Variants in ADGRG5 observed in about 807,000 individuals in gnomAD.
The protein encoded by ADGRG5 is adhesion G protein-coupled receptor G5.
Under a neutral mutation model 53.2 loss-of-function variants are expected in ADGRG5, and 37 were observed. The observed-to-expected ratio is 0.70, with a 90% CI of 0.53 to 0.91. The LOEUF (loss-of-function observed/expected upper bound fraction) is 0.91, where lower values mean the gene tolerates loss of function less well. ADGRG5 is among the 40% of genes least tolerant of loss of function. ADGRG5 has a pLI of 0.00. For missense variants in ADGRG5, 614 were observed against 675.8 expected (o/e 0.91, Z 1.01); for synonymous variants, 277 against 290.4 (o/e 0.95, Z 0.47).
chr16:57,572,959 G>C (rs2033402375), intron 10 of ADGRG5, among the ~76,000 whole-genome samples: 1 of 152,124 alleles, frequency 6.6e-6, no homozygotes, highest in Admixed American at 6.5e-5. Context: ...GGGGCTTCAG[G>C]ATCCAGCTTT....
chr16:57,536,982 T>C, the ADGRG5 span, among the ~76,000 whole-genome samples: 1 of 152,144 alleles, frequency 6.6e-6, no homozygotes, highest in East Asian at 1.9e-4. Context: ...CTGGGCCAGC[T>C]CTGCCACCGA....
chr16:57,570,528 A>G lies in ADGRG5; in HGVS notation c.1201A>G (p.Met401Val), dbSNP rs2033323284. The G allele has an allele frequency of 6.2e-7, 1 of 1,611,778 alleles. No individual in the cohort carries two copies. The highest frequency in any genetic ancestry group is 8.5e-7 in the Non-Finnish European group (1 of 1,178,454). ...GGAGAATGGCACAGGCTTCCAGAACATGTCCATGTGAGTGCCCTCAGGGCT... is the reference window on the plus strand; with the variant it reads ...GGAGAATGGCACAGGCTTCCAGAACGTGTCCATGTGAGTGCCCTCAGGGCT... The part of the protein sequence containing the change: ...SWENGTGFQN[M>V]SICWVRSPVV... Residue 401 changes from methionine to valine, a missense_variant, in exon 10 of 12, where the codon ATG (methionine) becomes GTG (valine). Coordinates refer to ENST00000349457, the MANE Select transcript of ADGRG5 (RefSeq NM_001304376.3).
upstream of ADGRG5, among the ~76,000 whole-genome samples, chr16:57,540,259 A>AACAC (rs2032471451): frequency 6.6e-6 from 1 of 152,010 alleles, no homozygotes; most frequent in Admixed American, 6.6e-5. Flanking sequence ...CAAACAAACA[A>AACAC]ACAAAAAACA....
At chr16:57,569,639 T>C (rs1476707809) in intron 9 of ADGRG5, among the ~76,000 whole-genome samples, 311 of 79,576 alleles carry the variant, frequency 3.9e-3, no homozygotes, top group Middle Eastern at 0.023. Flanking sequence ...TCCTCCACCT[T>C]CATCATCACC....
Position 57,575,555 on chromosome 16 carries a change from T to G in ADGRG5, c.*17T>G. 1 of 1,591,196 alleles carries G rather than the reference T, an allele frequency of 6.3e-7. No homozygotes were observed. Among genetic ancestry groups the G allele is most frequent in the Non-Finnish European group, 8.6e-7 (1 of 1,159,350 alleles). ...ACACAGTAGTCCGGGCCTCCTGGCC[T>G]GGAATCCTCAGCCTCTCTGGCCGCC... On this transcript the variant is annotated 3_prime_UTR_variant, in exon 12 of 12. Coordinates refer to ENST00000349457, the MANE Select transcript of ADGRG5 (RefSeq NM_001304376.3).
intron 6 of ADGRG5, 75 bp downstream of exon 6, chr16:57,565,225 TA>T: frequency 1.2e-6 from 1 of 845,346 alleles, no homozygotes; most frequent in South Asian, 1.5e-5. Context: ...CTGGTTTGAC[TA>T]GACCCAAACC....
At chr16:57,561,684 G>A (rs544289767) in intron 1 of ADGRG5, among the ~76,000 whole-genome samples, 42 of 152,334 alleles carry the variant, frequency 2.8e-4, no homozygotes, top group African/African-American at 9.1e-4. Context: ...AAAGCCGCAC[G>A]ATGAGTTAAT....
chr16:57,530,533 A>G, the ADGRG5 span, among the ~76,000 whole-genome samples: 2 of 151,758 alleles, frequency 1.3e-5, no homozygotes, highest in Admixed American at 6.6e-5. Context: ...GCAGCCCTCT[A>G]TGTCCCCTCT....
rs532180324 is a variant in ADGRG5 at position 57,573,856 on chromosome 16, G to A, written c.1209-959G>A. ...CCTGCCTCAGCCTCCCGAGCAGCTG[G>A]GATTACAGGCACCTGCCACCACGCC... On this transcript the variant is annotated intron_variant, in intron 10 of 11. Transcript: ENST00000349457. Among the ~76,000 whole-genome samples the A allele has an allele frequency of 3.2e-4, 49 of 152,212 alleles. 1 individual carries two copies. In the East Asian group the frequency reaches 9.1e-3, roughly 28 times the overall value.
At chr16:57,541,787 C>T (rs1301210660), upstream of ADGRG5, among the ~76,000 whole-genome samples, 5 of 152,206 alleles carry the variant, frequency 3.3e-5, no homozygotes, top group African/African-American at 1.2e-4. Context: ...CTCTCTATCC[C>T]CCACACACAC....
At chr16:57,535,528 G>A in the ADGRG5 span, among the ~76,000 whole-genome samples, 6 of 152,064 alleles carry the variant, frequency 3.9e-5, no homozygotes, top group African/African-American at 1.4e-4. Context: ...GGGGCACAAT[G>A]CCCCCGAGAG....
intron 1 of ADGRG5, among the ~76,000 whole-genome samples, chr16:57,548,176 CTTTTTT>C (rs57571395): frequency 7.1e-6 from 1 of 141,716 alleles, no homozygotes; most frequent in Non-Finnish European, 1.5e-5. Context: ...CTATACACAT[CTTTTTT>C]TTTTTTTTTT....
chr16:57,535,814 T>A, the ADGRG5 span, among the ~76,000 whole-genome samples: 1 of 152,116 alleles, frequency 6.6e-6, no homozygotes, highest in Non-Finnish European at 1.5e-5. Context: ...CTGAACGCTC[T>A]AACAGGTGGG....
intron 1 of ADGRG5, among the ~76,000 whole-genome samples, chr16:57,548,173 C>G (rs1419017067): frequency 7.8e-6 from 1 of 127,994 alleles, no homozygotes; most frequent in Non-Finnish European, 1.6e-5. Flanking sequence ...TGGCTATACA[C>G]ATCTTTTTTT....
In ADGRG5 at chr16:57,565,027, C is replaced by A; in HGVS notation, c.430-7C>A. The stretch of plus-strand genomic sequence containing the variant: ...TCCACTCAGCCCTTCTCCTGCTGCC[C>A]TTCCAGGATGAAAACAACTCATCTC... On this transcript the variant is annotated splice_region_variant and splice_polypyrimidine_tract_variant and intron_variant, in intron 5 of 11. Transcript: ENST00000349457. 6.3e-7 allele frequency: 1 copy of A among 1,594,146 alleles called. No homozygotes were observed. The highest frequency in any genetic ancestry group is 8.6e-7 in the Non-Finnish European group (1 of 1,162,288).
rs2033497973 is a variant in ADGRG5, at chr16:57,575,667, T to G, written c.*129T>G. ...GCCACTGTGACCGCCAAGGGGCCTT[T>G]TCCACTTCCACGGCCTCTCCAGGCA... On this transcript the variant is annotated 3_prime_UTR_variant, in exon 12 of 12. Transcript: ENST00000349457. 1.5e-6 allele frequency: 1 copy of G among 680,322 alleles called. No homozygotes were observed. The highest frequency in any genetic ancestry group is 2.5e-6 in the Non-Finnish European group (1 of 392,606). 42.1% of individuals were successfully genotyped at this position (680,322 alleles called of 1,614,324 possible).
chr16:57,552,536 C>G (rs1288437551), intron 1 of ADGRG5, among the ~76,000 whole-genome samples: 1 of 152,176 alleles, frequency 6.6e-6, no homozygotes, highest in African/African-American at 2.4e-5. Flanking sequence ...GCTTCCTCAC[C>G]CACCTTGGCC....
At chr16:57,531,154 T>C in the ADGRG5 span, among the ~76,000 whole-genome samples, 1 of 151,990 alleles carries the variant, frequency 6.6e-6, no homozygotes, top group African/African-American at 2.4e-5. Flanking sequence ...CCCTCAGAGC[T>C]TCCCATACCT....
chr16:57,539,850 A>G (rs372097063), upstream of ADGRG5, among the ~76,000 whole-genome samples: 143 of 152,260 alleles, frequency 9.4e-4, no homozygotes, highest in African/African-American at 3.3e-3. Context: ...CCACAATAAA[A>G]CATTTAAAAG....
Sources: allele counts gnomAD v4.1 joint callset (sites outside exome capture counted in the v4.1 genomes callset), GRCh38; gene constraint gnomAD v4.1.1; transcripts MANE v1.5; gene names NCBI Gene and HGNC (gene_info 2026-07-23, HGNC 2026-07-21).